KALRN: variants seen among roughly 807,000 people sequenced by gnomAD.
KALRN encodes the protein kalirin.
KALRN carries 70 observed loss-of-function variants against 353.7 expected under a neutral mutation model. The observed-to-expected ratio is 0.20, with a 90% CI of 0.16 to 0.24. The LOEUF (loss-of-function observed/expected upper bound fraction) is 0.24, where lower values mean the gene tolerates loss of function less well. Ranked by LOEUF, KALRN falls within the 10% of genes least tolerant of loss-of-function variation. The probability of loss-of-function intolerance (pLI) is 1.00; values close to 1 mark genes in which losing one functional copy is unlikely to be tolerated. For synonymous variants in KALRN, 1,391 were observed against 1,434.8 expected, an observed-to-expected ratio of 0.97 and a Z score of 0.69; for missense variants, 2,791 against 3,756.7, an observed-to-expected ratio of 0.74 and a Z score of 6.72.
rs2078024238 is a variant in KALRN at position 124,222,471 on chromosome 3, T to C, written c.74-5519T>C. 2.6e-5 allele frequency among the ~76,000 whole-genome samples: 4 copies of C among 152,228 alleles called. No homozygotes were observed. The South Asian group carries it at 8.3e-4, about 32-fold the overall frequency. The stretch of plus-strand genomic sequence containing the variant: ...GTGTTAGATGAGATTTTAGGGGTCC[T>C]GTTTAGGCCAGGCTACAGCATGCTT... On this transcript the variant is annotated intron_variant, in intron 1 of 59. Transcript: ENST00000682506.
intron 8 of KALRN, among the ~76,000 whole-genome samples, chr3:124,332,722 G>C (rs2080715796): frequency 6.6e-6 from 1 of 152,136 alleles, no homozygotes; most frequent in African/African-American, 2.4e-5. Context: ...AAAGTGGATG[G>C]TGTGTCCACT....
intron 43 of KALRN, among the ~76,000 whole-genome samples, chr3:124,659,720 C>G (rs1052409870): frequency 1.3e-5 from 2 of 151,986 alleles, no homozygotes; most frequent in African/African-American, 4.8e-5. Flanking sequence ...AATTCACATT[C>G]TTACTTTGTC....
rs1198860458 is a variant in KALRN, at chr3:124,205,324, A to C, written c.74-22666A>C. Among the ~76,000 whole-genome samples, 4 of 152,314 alleles carry C rather than the reference A, an allele frequency of 2.6e-5. No homozygotes were observed. The East Asian group carries it at 7.7e-4, about 29-fold the overall frequency. On this transcript the variant is annotated intron_variant, in intron 1 of 59. Coordinates refer to ENST00000682506, the MANE Select transcript of KALRN (RefSeq NM_001388419.1). Reference sequence around the variant, plus strand: ...CAGAACAAGCAGGCTCTAGCACACCACCAGGTGTAGATAACTGTTTTAGGG... The same window carrying C: ...CAGAACAAGCAGGCTCTAGCACACCCCCAGGTGTAGATAACTGTTTTAGGG...
At chr3:124,605,549 G>A (rs1007535067) in intron 34 of KALRN, among the ~76,000 whole-genome samples, 3 of 146,146 alleles carry the variant, frequency 2.1e-5, no homozygotes, top group Non-Finnish European at 3.0e-5. Context: ...CTCCAGCCTG[G>A]GCGAAGAAAT....
At chr3:124,594,736 A>G (rs1400762370) in intron 34 of KALRN, among the ~76,000 whole-genome samples, 2 of 151,960 alleles carry the variant, frequency 1.3e-5, no homozygotes, top group Admixed American at 6.6e-5. Context: ...CCCACTTCCC[A>G]CCTTGCCTTT....
chr3:124,055,647 G>T (rs1443080731), intron 1 of KALRN, among the ~76,000 whole-genome samples: 1 of 152,178 alleles, frequency 6.6e-6, no homozygotes, highest in East Asian at 1.9e-4. Context: ...CTCCAGTGGA[G>T]GTCCTCTCTG....
rs558427310 is a variant in KALRN, at chr3:124,334,768, C to T, written c.1647+273C>T. Among the ~76,000 whole-genome samples the T allele has an allele frequency of 6.6e-6, 1 of 152,226 alleles. No individual in the cohort carries two copies. The highest frequency in any genetic ancestry group is 2.1e-4 in the South Asian group (1 of 4,818). ...CTCAGTCTCAGGAACTGCAATTCCT[C>T]GTAGTCATGTGGCACATTTTTCTTT... On this transcript the variant is annotated intron_variant, in intron 9 of 59. Coordinates refer to ENST00000682506, the MANE Select transcript of KALRN (RefSeq NM_001388419.1). This position sits in a 1 kb window ranked among gnomAD's most constrained non-coding sequence, Gnocchi z 4.2.
At chr3:124,671,270 G>A (rs1425615001) in intron 47 of KALRN, among the ~76,000 whole-genome samples, 1 of 152,086 alleles carries the variant, frequency 6.6e-6, no homozygotes, top group Non-Finnish European at 1.5e-5. Flanking sequence ...CCACCTCACA[G>A]ACCCTTCTGG....
intron 34 of KALRN, among the ~76,000 whole-genome samples, chr3:124,596,353 G>T (rs2076262868): frequency 6.6e-6 from 1 of 152,024 alleles, no homozygotes; most frequent in African/African-American, 2.4e-5. Flanking sequence ...TGTAATCACA[G>T]CTACTTGGGA....
intron 3 of KALRN, among the ~76,000 whole-genome samples, chr3:124,252,414 C>T (rs1431727874): frequency 6.6e-6 from 1 of 152,184 alleles, no homozygotes; most frequent in Non-Finnish European, 1.5e-5. Flanking sequence ...TGAATGTTTC[C>T]TCAAGATCAA....
intron 10 of KALRN, among the ~76,000 whole-genome samples, chr3:124,377,831 C>T (rs2086795906): frequency 6.6e-6 from 1 of 152,106 alleles, no homozygotes; most frequent in Non-Finnish European, 1.5e-5. Flanking sequence ...ATTCACTCTG[C>T]AATCTACTAC....
intron 1 of KALRN, among the ~76,000 whole-genome samples, chr3:124,107,527 G>T (rs2062420131): frequency 6.6e-6 from 1 of 152,160 alleles, no homozygotes. Flanking sequence ...GCCCCCTAGA[G>T]CTTCTTTTCT....
intron 51 of KALRN, chr3:124,679,894 T>C (rs1027926094): frequency 2.3e-5 from 7 of 303,054 alleles, no homozygotes; most frequent in African/African-American, 4.4e-5. Context: ...CAAGGACTCA[T>C]TTCGTGTTTA....
intron 1 of KALRN, among the ~76,000 whole-genome samples, chr3:124,150,831 C>A (rs1247887922): frequency 6.6e-6 from 1 of 152,144 alleles, no homozygotes; most frequent in South Asian, 2.1e-4. Context: ...ATTATGAGCA[C>A]CCTAGAACAT....
intron 46 of KALRN, 127 bp from the exon 47 acceptor site, chr3:124,666,883 ACT>A (rs1469528122): frequency 4.3e-6 from 4 of 927,860 alleles, no homozygotes; most frequent in Non-Finnish European, 6.4e-6. Context: ...AAACCTAAGT[ACT>A]GTCCTGCTAG....
intron 34 of KALRN, among the ~76,000 whole-genome samples, chr3:124,630,558 G>A (rs1006844979): frequency 6.6e-6 from 1 of 152,092 alleles, no homozygotes; most frequent in South Asian, 2.1e-4. Context: ...CACCACACCC[G>A]GCTCCAGTAG....
intron 34 of KALRN, among the ~76,000 whole-genome samples, chr3:124,594,962 AT>A (rs982077121): frequency 6.6e-6 from 1 of 151,090 alleles, no homozygotes; most frequent in African/African-American, 2.4e-5. Context: ...CTTTTTTTAA[AT>A]TTTTTTAAAA....
chr3:124,219,943 T>TG (rs1376570294), intron 1 of KALRN, among the ~76,000 whole-genome samples: 1 of 151,658 alleles, frequency 6.6e-6, no homozygotes, highest in African/African-American at 2.4e-5. Flanking sequence ...GTAGGTTTTT[T>TG]TTTTGTTTTG....
At chr3:124,510,626 T>G (rs985202457) in intron 33 of KALRN, among the ~76,000 whole-genome samples, 1 of 152,164 alleles carries the variant, frequency 6.6e-6, no homozygotes, top group African/African-American at 2.4e-5. Context: ...AAACAGTCTA[T>G]TGTTAGTCCA....
Sources: gnomAD v4.1 joint callset for allele counts (sites outside exome capture counted in the v4.1 genomes callset) on GRCh38, gnomAD v4.1.1 for gene constraint, Gnocchi (gnomAD v3.1) non-coding constraint, MANE v1.5 for transcripts, NCBI Gene and HGNC (gene_info 2026-07-23, HGNC 2026-07-21) for gene names.